The following OTUD7A variants were observed in gnomAD, a reference collection of about 807,000 sequenced individuals.
OTUD7A encodes OTU deubiquitinase 7A.
In OTUD7A, 12 loss-of-function variants were observed where a neutral mutation model predicts 65.7. The observed-to-expected ratio is 0.18, with a 90% CI of 0.12 to 0.30. The LOEUF (loss-of-function observed/expected upper bound fraction) is 0.30. Ranked by LOEUF, OTUD7A falls within the 10% of genes least tolerant of loss-of-function variation. The pLI is 1.00. For synonymous variants in OTUD7A, 641 were observed against 586.3 expected (o/e 1.09, Z -1.35); for missense variants, 1,148 against 1,304.8 (o/e 0.88, Z 1.85).
intron 5 of OTUD7A, chr15:31,556,583 T>C (rs983035045): frequency 6.6e-6 from 1 of 152,190 alleles, no homozygotes; most frequent in Non-Finnish European, 1.5e-5. Flanking sequence ...TCAAAAGAAG[T>C]GAAGGCTTTT....
chr15:31,510,313 C>T (rs1456820145), intron 8 of OTUD7A, among the ~76,000 whole-genome samples: 3 of 151,354 alleles, frequency 2.0e-5, no homozygotes, highest in African/African-American at 7.3e-5. Flanking sequence ...ACACAGAGCT[C>T]GGGTGGGGAG....
chr15:31,508,138 G>A (rs547849917), intron 8 of OTUD7A, among the ~76,000 whole-genome samples: 1 of 152,046 alleles, frequency 6.6e-6, no homozygotes, highest in African/African-American at 2.4e-5. Context: ...GGAAAGGAAA[G>A]GAAGTAATAG....
intron 1 of OTUD7A, among the ~76,000 whole-genome samples, chr15:31,667,826 T>C (rs1181871495): frequency 6.6e-6 from 1 of 152,234 alleles, no homozygotes; most frequent in East Asian, 1.9e-4. Flanking sequence ...CTTTTAGCAG[T>C]TCTTCTAGTG....
At chr15:31,532,050 G>T (rs970840330) in intron 5 of OTUD7A, among the ~76,000 whole-genome samples, 4 of 152,172 alleles carry the variant, frequency 2.6e-5, no homozygotes, top group Admixed American at 2.6e-4. Flanking sequence ...GTGGTGTCAG[G>T]AGGTCCGCTA....
chr15:31,766,138 T>C (rs1895088541), intron 1 of OTUD7A: 2 of 1,457,004 alleles, frequency 1.4e-6, no homozygotes, highest in South Asian at 1.1e-5. Flanking sequence ...ACTTGAAGAA[T>C]TTCCTGATCA....
At chr15:31,820,988 G>A (rs1437205207) in intron 1 of OTUD7A, among the ~76,000 whole-genome samples, 1 of 152,014 alleles carries the variant, frequency 6.6e-6, no homozygotes, top group African/African-American at 2.4e-5. Flanking sequence ...AGGCAACCAC[G>A]AGACTACTTT....
At chr15:31,680,630 T>C (rs1892691019) in intron 1 of OTUD7A, among the ~76,000 whole-genome samples, 1 of 152,088 alleles carries the variant, frequency 6.6e-6, no homozygotes. Context: ...CTTTAAGGCC[T>C]CCCAAACTCT....
At chr15:31,521,850 C>T (rs1368904710) in intron 8 of OTUD7A, among the ~76,000 whole-genome samples, 3 of 152,236 alleles carry the variant, frequency 2.0e-5, no homozygotes, top group South Asian at 2.1e-4. Flanking sequence ...AACGGTCCCT[C>T]TTGCTCTGCT....
chr15:31,817,443 T>C (rs1414571105), intron 1 of OTUD7A, among the ~76,000 whole-genome samples: 1 of 152,144 alleles, frequency 6.6e-6, no homozygotes, highest in Non-Finnish European at 1.5e-5. Flanking sequence ...GACATTTTTC[T>C]GTTTTGTTGT....
intron 1 of OTUD7A, among the ~76,000 whole-genome samples, chr15:31,852,878 C>T (rs1241970903): frequency 6.6e-6 from 1 of 152,210 alleles, no homozygotes; most frequent in Non-Finnish European, 1.5e-5. Context: ...CAAGGTTATA[C>T]TGATGAATAC....
intron 1 of OTUD7A, among the ~76,000 whole-genome samples, chr15:31,793,169 C>T (rs921146117): frequency 2.0e-5 from 3 of 152,306 alleles, no homozygotes; most frequent in Admixed American, 2.0e-4. Flanking sequence ...CAGGAATGTC[C>T]TTTCTGATAA....
intron 3 of OTUD7A, among the ~76,000 whole-genome samples, chr15:31,583,212 C>A (rs1184886273): frequency 1.3e-5 from 2 of 152,220 alleles, no homozygotes; most frequent in African/African-American, 4.8e-5. Flanking sequence ...TCCCAGAACT[C>A]TCTTTCTGGT....
intron 3 of OTUD7A, among the ~76,000 whole-genome samples, chr15:31,591,737 A>G (rs1456810084): frequency 8.5e-5 from 13 of 152,226 alleles, no homozygotes; most frequent in Admixed American, 8.5e-4. Context: ...ACATGTATGG[A>G]TATGTGTGCA....
intron 1 of OTUD7A, among the ~76,000 whole-genome samples, chr15:31,839,145 G>A (rs1817678175): frequency 6.6e-6 from 1 of 152,194 alleles, no homozygotes; most frequent in Admixed American, 6.5e-5. Context: ...CTCTGGCTTG[G>A]AGCACCGTTC....
At chr15:31,839,236 A>C (rs757203049) in intron 1 of OTUD7A, among the ~76,000 whole-genome samples, 2 of 152,226 alleles carry the variant, frequency 1.3e-5, no homozygotes, top group Non-Finnish European at 2.9e-5. Flanking sequence ...TGCTTCCCAC[A>C]GTGGGCAGGC....
At chr15:31,587,706 A>G (rs1489847708) in intron 3 of OTUD7A, among the ~76,000 whole-genome samples, 1 of 151,760 alleles carries the variant, frequency 6.6e-6, no homozygotes. Context: ...AGGGACTTTC[A>G]ATCACTTTCC....
At chr15:31,581,059 G>A (rs1004638033) in intron 3 of OTUD7A, among the ~76,000 whole-genome samples, 2 of 152,194 alleles carry the variant, frequency 1.3e-5, no homozygotes, top group Non-Finnish European at 2.9e-5. Flanking sequence ...GAGATACAAT[G>A]GGGGTACATG....
At chr15:31,631,203 G>C (rs1046565318) in intron 3 of OTUD7A, among the ~76,000 whole-genome samples, 8 of 152,152 alleles carry the variant, frequency 5.3e-5, no homozygotes, top group Admixed American at 4.6e-4. Flanking sequence ...TTACATTTTG[G>C]CATGTTTTTG....
chr15:31,859,203 ATTT>A (rs946614248), intron 1 of OTUD7A, among the ~76,000 whole-genome samples: 1 of 151,988 alleles, frequency 6.6e-6, no homozygotes, highest in African/African-American at 2.4e-5. Context: ...TTGTTATTTT[ATTT>A]TTTAACTTGA....
Sources: gnomAD v4.1 joint callset for allele counts (sites outside exome capture counted in the v4.1 genomes callset) on GRCh38, gnomAD v4.1.1 for gene constraint, MANE v1.5 for transcripts, NCBI Gene and HGNC (gene_info 2026-07-23, HGNC 2026-07-21) for gene names.